The following DNAJB6 variants were observed in gnomAD, a reference collection of about 807,000 sequenced individuals.
DNAJB6 encodes DnaJ heat shock protein family (Hsp40) member B6.
A neutral mutation model predicts 42.7 loss-of-function variants in DNAJB6; 16 were observed. The ratio of observed to expected loss-of-function variants is 0.37; its 90% CI spans 0.25 to 0.57. The LOEUF is 0.57. DNAJB6 is among the 20% of genes least tolerant of loss of function. The pLI is 0.74. For synonymous variants in DNAJB6, 170 were observed against 163.5 expected (o/e 1.04, Z -0.30); for missense variants, 347 against 416.8 (o/e 0.83, Z 1.46).
chr7:157,371,957 C>T (rs1446323778), intron 5 of DNAJB6, among the ~76,000 whole-genome samples: 1 of 152,188 alleles, frequency 6.6e-6, no homozygotes, highest in South Asian at 2.1e-4. Flanking sequence ...AGCAGTGCAG[C>T]AAGTTTTTCC....
At chr7:157,364,647 G>A (rs1005762426) in intron 3 of DNAJB6, among the ~76,000 whole-genome samples, 10 of 152,146 alleles carry the variant, frequency 6.6e-5, no homozygotes, top group Non-Finnish European at 1.2e-4. Flanking sequence ...CTTGTTGTTT[G>A]TGTGCTAATT....
intron 8 of DNAJB6, among the ~76,000 whole-genome samples, chr7:157,404,473 T>G (rs1036073865): frequency 2.0e-5 from 3 of 150,508 alleles, no homozygotes; most frequent in South Asian, 2.1e-4. Flanking sequence ...TGTCTTTTTT[T>G]TTTTTTTTTT....
intron 8 of DNAJB6, among the ~76,000 whole-genome samples, chr7:157,387,814 T>C (rs923691233): frequency 6.6e-6 from 1 of 152,094 alleles, no homozygotes; most frequent in African/African-American, 2.4e-5. Flanking sequence ...CATTCATTTG[T>C]ACTTGGGAAA....
At chr7:157,370,161 TTCTTAACATTATTATTAAACAGGCCCC>T (rs1345278410) in intron 5 of DNAJB6, among the ~76,000 whole-genome samples, 2 of 144,826 alleles carry the variant, frequency 1.4e-5, no homozygotes, top group African/African-American at 5.1e-5. Context: ...AACGGGCCCC[TTCTTAACATTATTATTAAACAGGCCCC>T]TTCTTAACAT....
chr7:157,366,418 AT>A, intron 3 of DNAJB6, 83 bp from the exon 4 acceptor site: 1 of 1,281,840 alleles, frequency 7.8e-7, no homozygotes, highest in Non-Finnish European at 1.1e-6. Flanking sequence ...TCGAAAACTG[AT>A]TTACAACTGG....
At chr7:157,354,584 C>T (rs944035850) in intron 1 of DNAJB6, among the ~76,000 whole-genome samples, 8 of 152,198 alleles carry the variant, frequency 5.3e-5, no homozygotes, top group Middle Eastern at 3.4e-3. Flanking sequence ...AGGAGTCCTC[C>T]CACTTTGGTC....
At chr7:157,380,276 C>CA (rs1323142967) in intron 5 of DNAJB6, 1 of 152,176 alleles carries the variant, frequency 6.6e-6, no homozygotes, top group Non-Finnish European at 1.5e-5. Flanking sequence ...GCTATGGCTG[C>CA]AAAGTAGAAA....
intron 4 of DNAJB6, 38 bp from the exon 5 acceptor site, chr7:157,367,335 A>G: frequency 7.0e-7 from 1 of 1,420,970 alleles, no homozygotes; most frequent in Non-Finnish European, 9.9e-7. Context: ...ACAAAGCACC[A>G]AAATTCATAA....
intron 8 of DNAJB6, among the ~76,000 whole-genome samples, chr7:157,405,021 G>T (rs942785449): frequency 6.6e-6 from 1 of 152,224 alleles, no homozygotes; most frequent in South Asian, 2.1e-4. Context: ...CGCATGAAAG[G>T]ACTGATGGAA....
Position 157,345,881 on chromosome 7 carries a change from T to G in DNAJB6, c.-27+8737T>G, listed in dbSNP as rs1798658606. Among the ~76,000 whole-genome samples, 8 of 152,206 alleles carry G rather than the reference T, an allele frequency of 5.3e-5. 2 individuals carry two copies. The highest frequency in any genetic ancestry group is 5.2e-4 in the Admixed American group (8 of 15,256). On this transcript the variant is annotated intron_variant, in intron 1 of 9. Coordinates refer to ENST00000262177, the MANE Select transcript of DNAJB6 (RefSeq NM_058246.4). The stretch of plus-strand genomic sequence containing the variant: ...GCTGTAGAAATTACTTCTTTTGATT[T>G]AGTATATTATTTTAAAATGCAGGTG...
intron 9 of DNAJB6, chr7:157,411,503 A>C (rs1031633864): frequency 2.6e-5 from 4 of 152,870 alleles, no homozygotes; most frequent in African/African-American, 9.6e-5. Flanking sequence ...CGCTCCTGGT[A>C]CTGGAGGGTC....
intron 1 of DNAJB6, among the ~76,000 whole-genome samples, chr7:157,347,718 AT>A (rs1798759136): frequency 6.6e-6 from 1 of 152,052 alleles, no homozygotes; most frequent in African/African-American, 2.4e-5. Flanking sequence ...TAGTAAACTA[AT>A]TAAGCATCAT....
intron 8 of DNAJB6, among the ~76,000 whole-genome samples, chr7:157,405,100 T>A (rs1795714741): frequency 1.3e-5 from 2 of 152,180 alleles, no homozygotes; most frequent in Admixed American, 1.3e-4. Context: ...CCGGCCTTGG[T>A]GAACACGTGC....
intron 8 of DNAJB6, among the ~76,000 whole-genome samples, chr7:157,403,679 C>T (rs116096349): frequency 0.013 from 2,003 of 152,190 alleles, 41 homozygotes; most frequent in African/African-American, 0.045. Flanking sequence ...CAGGTGTGCC[C>T]GATGCAGTTC....
intron 2 of DNAJB6, among the ~76,000 whole-genome samples, chr7:157,358,905 T>C (rs1799441034): frequency 6.6e-6 from 1 of 152,230 alleles, no homozygotes; most frequent in South Asian, 2.1e-4. Flanking sequence ...TCTTTTACAT[T>C]GGACTTTGAA....
In DNAJB6 at chr7:157,415,899, G is replaced by C. The variant is rs559674745; in HGVS notation, c.899-117G>C. On this transcript the variant is annotated intron_variant, in intron 9 of 9. Coordinates refer to ENST00000262177, the MANE Select transcript of DNAJB6 (RefSeq NM_058246.4). Reference sequence around the variant, plus strand: ...AGGTTTAGCTGTGGCCAAGATAGATGACTTCATTTTGTTGCTTTTTGTTCT... The same window carrying C: ...AGGTTTAGCTGTGGCCAAGATAGATCACTTCATTTTGTTGCTTTTTGTTCT... The C allele has an allele frequency of 3.8e-6, 6 of 1,573,884 alleles. No homozygotes were observed. In the African/African-American group the frequency reaches 8.1e-5, roughly 21 times the overall value.
At chr7:157,413,450 T>G (rs1314611850) in intron 9 of DNAJB6, 1 of 152,120 alleles carries the variant, frequency 6.6e-6, no homozygotes, top group Non-Finnish European at 1.5e-5. Flanking sequence ...CAGCTCGAAG[T>G]TTGTCTTTTT....
intron 2 of DNAJB6, among the ~76,000 whole-genome samples, chr7:157,361,160 C>T (rs1325903040): frequency 7.4e-6 from 1 of 135,814 alleles, no homozygotes; most frequent in African/African-American, 2.8e-5. Context: ...CACTGCTACA[C>T]GTTTTTTTTT....
At chr7:157,361,426 A>G (rs7812079) in intron 2 of DNAJB6, among the ~76,000 whole-genome samples, 122,436 of 152,122 alleles carry the variant, frequency 0.8, 50,033 homozygotes, top group African/African-American at 0.95. Context: ...CAAAGTGCTG[A>G]GATTACAGGC....
Sources: allele counts gnomAD v4.1 joint callset (sites outside exome capture counted in the v4.1 genomes callset), GRCh38; gene constraint gnomAD v4.1.1; transcripts MANE v1.5; gene names NCBI Gene and HGNC (gene_info 2026-07-23, HGNC 2026-07-21).